The following PBX3 variants were observed in gnomAD, a reference collection of about 807,000 sequenced individuals.
PBX3 encodes the protein PBX homeobox 3.
PBX3 carries 14 observed loss-of-function variants against 48.5 expected under a neutral mutation model. That is an observed-to-expected ratio of 0.29 (90% CI 0.19 to 0.45). PBX3 has a LOEUF of 0.45. Ranked by LOEUF, PBX3 falls within the 20% of genes least tolerant of loss-of-function variation. PBX3 has a pLI of 1.00. For missense variants in PBX3, 386 were observed against 546.7 expected (o/e 0.71, Z 2.93); for synonymous variants, 210 against 200.3 (o/e 1.05, Z -0.41).
chr9:125,867,165 C>T (rs959706317), intron 2 of PBX3, among the ~76,000 whole-genome samples: 4 of 151,988 alleles, frequency 2.6e-5, no homozygotes, highest in African/African-American at 9.7e-5. Flanking sequence ...ATGCATTTCA[C>T]CCTACATTGA....
intron 2 of PBX3, among the ~76,000 whole-genome samples, chr9:125,816,477 C>T (rs1038830297): frequency 6.6e-6 from 1 of 152,110 alleles, no homozygotes; most frequent in African/African-American, 2.4e-5. Context: ...TTACATTGTT[C>T]GGAGTGATTT....
chr9:125,815,552 G>A lies in PBX3; in HGVS notation c.274+66929G>A, dbSNP rs370661184. Among the ~76,000 whole-genome samples, 5 of 152,200 alleles carry A rather than the reference G, an allele frequency of 3.3e-5. No individual in the cohort carries two copies. In the South Asian group the frequency reaches 1.0e-3, roughly 32 times the overall value. On this transcript the variant is annotated intron_variant, in intron 2 of 8. Transcript: ENST00000373489. ...GCTTTGATTCCATCAATATCAGACT[G>A]TATTACTTTACTTTTATATGAAACA...
At chr9:125,780,487 C>T (rs1261402301) in intron 2 of PBX3, among the ~76,000 whole-genome samples, 4 of 134,700 alleles carry the variant, frequency 3.0e-5, no homozygotes, top group Non-Finnish European at 4.8e-5. Flanking sequence ...ACCTCCCTCC[C>T]GGACGGGGCG....
At chr9:125,824,534 A>G (rs187245269) in intron 2 of PBX3, among the ~76,000 whole-genome samples, 36 of 152,342 alleles carry the variant, frequency 2.4e-4, no homozygotes, top group African/African-American at 7.9e-4. Flanking sequence ...CTCAAAGGAC[A>G]AGATAACTCT....
At chr9:125,823,724 AG>A (rs1160770405) in intron 2 of PBX3, among the ~76,000 whole-genome samples, 1 of 152,204 alleles carries the variant, frequency 6.6e-6, no homozygotes, top group Non-Finnish European at 1.5e-5. Context: ...GGTTAAGAGA[AG>A]GAAGTACAGA....
chr9:125,755,372 T>C (rs1347678271), intron 2 of PBX3, among the ~76,000 whole-genome samples: 1 of 152,114 alleles, frequency 6.6e-6, no homozygotes, highest in Non-Finnish European at 1.5e-5. Context: ...TTGGCAATTA[T>C]CATTTTGTTT....
At chr9:125,959,140 T>C (rs1395889747) in intron 5 of PBX3, among the ~76,000 whole-genome samples, 1 of 152,170 alleles carries the variant, frequency 6.6e-6, no homozygotes, top group African/African-American at 2.4e-5. Flanking sequence ...AATGAGAAAA[T>C]GTCTGCAAGG....
At chr9:125,757,304 A>C (rs757303839) in intron 2 of PBX3, among the ~76,000 whole-genome samples, 17 of 151,982 alleles carry the variant, frequency 1.1e-4, no homozygotes, top group Non-Finnish European at 7.4e-5. Context: ...CTACAGGTGA[A>C]GGTTGTTGGA....
In PBX3 at chr9:125,962,992, T is replaced by G. The variant is rs1216043550; in HGVS notation, c.1123-20T>G. The G allele has an allele frequency of 7.0e-7, 1 of 1,429,976 alleles. No homozygotes were observed. The highest frequency in any genetic ancestry group is 9.8e-7 in the Non-Finnish European group (1 of 1,021,734). The allele number at this position is 1,429,976 out of a possible 1,614,324, so 88.6% of individuals were successfully genotyped here. On this transcript the variant is annotated intron_variant, in intron 7 of 8. Transcript: ENST00000373489. ...TTTAATAGATTTGGGATGATGAATTTTGTTTTGTCTCACTTCTAGGTGGAT... is the reference window on the plus strand; with the variant it reads ...TTTAATAGATTTGGGATGATGAATTGTGTTTTGTCTCACTTCTAGGTGGAT...
intron 2 of PBX3, among the ~76,000 whole-genome samples, chr9:125,901,519 A>G (rs1371609148): frequency 2.0e-5 from 3 of 151,700 alleles, no homozygotes; most frequent in African/African-American, 7.2e-5. Context: ...CTATATATGT[A>G]TAGGTTTTAG....
intron 2 of PBX3, among the ~76,000 whole-genome samples, chr9:125,840,356 C>T (rs1371449105): frequency 1.3e-5 from 2 of 151,920 alleles, no homozygotes; most frequent in Non-Finnish European, 2.9e-5. Context: ...GTAAATAATG[C>T]TGTCCTGCGT....
intron 2 of PBX3, among the ~76,000 whole-genome samples, chr9:125,754,069 C>T (rs1381098384): frequency 6.6e-6 from 1 of 151,966 alleles, no homozygotes; most frequent in African/African-American, 2.4e-5. Flanking sequence ...TGTACTCTAC[C>T]CTGAGGTATC....
intron 2 of PBX3, among the ~76,000 whole-genome samples, chr9:125,839,365 G>GATTCAGAAGATCTCTCACTT (rs1839224854): frequency 6.6e-6 from 1 of 152,192 alleles, no homozygotes; most frequent in Non-Finnish European, 1.5e-5. Flanking sequence ...ACTATACTCA[G>GATTCAGAAGATCTCTCACTT]ATTCAGAAGA....
At chr9:125,792,267 T>A (rs1017420446) in intron 2 of PBX3, among the ~76,000 whole-genome samples, 14 of 152,056 alleles carry the variant, frequency 9.2e-5, no homozygotes, top group Non-Finnish European at 1.6e-4. Flanking sequence ...AAAGACCTTT[T>A]TGGTAGAGGA....
intron 2 of PBX3, among the ~76,000 whole-genome samples, chr9:125,774,916 G>A (rs1588133244): frequency 1.3e-5 from 2 of 151,442 alleles, no homozygotes; most frequent in Non-Finnish European, 2.9e-5. Flanking sequence ...CTGTCACCCA[G>A]ACTGGAGTAT....
chr9:125,832,020 G>GAGATA (rs1176122412), intron 2 of PBX3, among the ~76,000 whole-genome samples: 1 of 152,144 alleles, frequency 6.6e-6, no homozygotes, highest in Admixed American at 6.5e-5. Context: ...GAAAAGAGAG[G>GAGATA]AGATAAGTGA....
chr9:125,914,977 A>G (rs1023107720), intron 2 of PBX3, among the ~76,000 whole-genome samples: 1 of 152,216 alleles, frequency 6.6e-6, no homozygotes, highest in African/African-American at 2.4e-5. Context: ...GCAAAATTAG[A>G]TTGAGACTAC....
At chr9:125,897,555 TTA>T (rs1840803833) in intron 2 of PBX3, among the ~76,000 whole-genome samples, 1 of 151,798 alleles carries the variant, frequency 6.6e-6, no homozygotes, top group South Asian at 2.1e-4. Flanking sequence ...TCTCAACAAA[TTA>T]GTTAGAAGAC....
chr9:125,960,652 C>T (rs370261650), intron 5 of PBX3, 32 bp from the exon 6 acceptor site: 17 of 1,606,634 alleles, frequency 1.1e-5, no homozygotes, highest in East Asian at 6.7e-5. Context: ...TTCCTCTCTT[C>T]CCCTTCACCT....
Sources: gnomAD v4.1 joint callset for allele counts (sites outside exome capture counted in the v4.1 genomes callset) on GRCh38, gnomAD v4.1.1 for gene constraint, MANE v1.5 for transcripts, NCBI Gene and HGNC (gene_info 2026-07-23, HGNC 2026-07-21) for gene names.